Variants in TBPL1 observed in about 807,000 individuals in gnomAD.
TBPL1 encodes TATA box-binding protein-like 1.
In TBPL1, 4 loss-of-function variants were observed where a neutral mutation model predicts 22.1. The observed-to-expected ratio is 0.18, with a 90% CI of 0.09 to 0.41. TBPL1 has a LOEUF of 0.41. TBPL1 is among the 10% of genes least tolerant of loss of function. The pLI, the probability that TBPL1 is intolerant of heterozygous loss-of-function variation, is 1.00. For missense variants in TBPL1, 115 were observed against 222.3 expected (o/e 0.52, Z 3.07); for synonymous variants, 64 against 71.0 (o/e 0.90, Z 0.50).
At chr6:133,973,156 A>G (rs1162588073) in intron 1 of TBPL1, among the ~76,000 whole-genome samples, 1 of 152,156 alleles carries the variant, frequency 6.6e-6, no homozygotes, top group African/African-American at 2.4e-5. Context: ...CTAATCTACT[A>G]TTTGGGGAGC....
chr6:133,984,621 C>G lies in TBPL1; in HGVS notation c.431C>G (p.Ser144Cys), dbSNP rs750219557. The change falls in exon 6 of 7, where the codon TCT (serine) becomes TGT (cysteine). Residue 144 changes from serine (S) to cysteine (C), a missense_variant. Coordinates refer to ENST00000237264, the MANE Select transcript of TBPL1 (RefSeq NM_004865.4). Reference protein sequence around the residue: ...LHPAVCYRIKSLRATLQIFST... With the variant: ...LHPAVCYRIKCLRATLQIFST... The stretch of plus-strand genomic sequence containing the variant: ...CCTGCTGTGTGCTATCGGATAAAAT[C>G]TCTAAGAGCTACATTACAGATTTTT... 48 of 1,613,082 alleles carry G rather than the reference C, an allele frequency of 3.0e-5. No individual in the cohort carries two copies. The highest frequency in any genetic ancestry group is 3.9e-5 in the Non-Finnish European group (46 of 1,179,844).
rs190832991 is a variant in TBPL1, at chr6:133,979,611, T to G, written c.-44-471T>G. 4.6e-5 allele frequency among the ~76,000 whole-genome samples: 7 copies of G among 152,330 alleles called. No homozygotes were observed. In the East Asian group the frequency reaches 1.3e-3, roughly 29 times the overall value. ...ATATTAGATGTCATGTTAGCTTTTT[T>G]AAAAATGACATTTTTAGTGGGGAAA... On this transcript the variant is annotated intron_variant, in intron 1 of 6. Coordinates refer to ENST00000237264, the MANE Select transcript of TBPL1 (RefSeq NM_004865.4).
At chr6:133,959,705 A>G (rs1407750961) in intron 1 of TBPL1, among the ~76,000 whole-genome samples, 1 of 151,912 alleles carries the variant, frequency 6.6e-6, no homozygotes, top group Non-Finnish European at 1.5e-5. Flanking sequence ...CTGGTCTTGA[A>G]CTTCTGACCT....
intron 4 of TBPL1, among the ~76,000 whole-genome samples, chr6:133,983,827 A>G (rs1418962146): frequency 6.6e-6 from 1 of 152,228 alleles, no homozygotes; most frequent in Admixed American, 6.5e-5. Context: ...TTAGTGTAAC[A>G]TTAGAAGTGT....
At chr6:133,974,001 T>C (rs1176956906) in intron 1 of TBPL1, among the ~76,000 whole-genome samples, 1 of 108,836 alleles carries the variant, frequency 9.2e-6, no homozygotes, top group African/African-American at 3.3e-5. Context: ...ATCCAGACTT[T>C]ACCAAAAAAA....
intron 1 of TBPL1, among the ~76,000 whole-genome samples, chr6:133,957,749 CCA>C (rs1054769268): frequency 6.6e-6 from 1 of 152,164 alleles, no homozygotes; most frequent in Non-Finnish European, 1.5e-5. Context: ...GCCCTGAGCC[CCA>C]GTTTCCTCAT....
At chr6:133,982,516 C>T in intron 2 of TBPL1, 52 bp from the exon 3 acceptor site, 1 of 1,525,868 alleles carries the variant, frequency 6.6e-7, no homozygotes, top group Non-Finnish European at 9.0e-7. Flanking sequence ...TAGAACAGAA[C>T]CTTATGTGAA....
rs551543421 is a variant in TBPL1, at chr6:133,972,087, C to T, written c.-44-7995C>T. On this transcript the variant is annotated intron_variant, in intron 1 of 6. Transcript: ENST00000237264. ...ATTTGTTTGGTGGCAAGATTCCAGA[C>T]ATCAAGAGTCATCTGAAATTGTATC... 2.6e-5 allele frequency among the ~76,000 whole-genome samples: 4 copies of T among 152,282 alleles called. No homozygotes were observed. In the South Asian group the frequency reaches 8.3e-4, roughly 32 times the overall value.
chr6:133,973,956 CAT>C (rs60330418), intron 1 of TBPL1, among the ~76,000 whole-genome samples: 5 of 142,410 alleles, frequency 3.5e-5, no homozygotes, highest in Non-Finnish European at 6.1e-5. Flanking sequence ...TTAAACCTAA[CAT>C]ATATATATAT....
intron 1 of TBPL1, among the ~76,000 whole-genome samples, chr6:133,974,960 A>G (rs975152845): frequency 2.6e-5 from 4 of 152,230 alleles, no homozygotes; most frequent in Admixed American, 6.5e-5. Context: ...CACCTAAGAC[A>G]CTGGGTTATA....
intron 1 of TBPL1, among the ~76,000 whole-genome samples, chr6:133,971,246 C>T (rs1287478519): frequency 2.6e-5 from 4 of 152,006 alleles, no homozygotes; most frequent in Non-Finnish European, 4.4e-5. Context: ...TCCAGGTTCA[C>T]TAACGTCACA....
At position 133,982,447 on chromosome 6, in the gene TBPL1, C is replaced by T. The variant is rs1776433092; in HGVS notation, c.136-121C>T. On this transcript the variant is annotated intron_variant, in intron 2 of 6. Coordinates refer to ENST00000237264, the MANE Select transcript of TBPL1 (RefSeq NM_004865.4). The stretch of plus-strand genomic sequence containing the variant: ...ATTTCAGAATGGTAGATTTGGAGAG[C>T]AGTTATTGCAGTCTTGGATAAGCTT... 4.4e-6 allele frequency: 3 copies of T among 686,818 alleles called. No homozygotes were observed. The South Asian group carries it at 8.2e-5, about 19-fold the overall frequency. 42.5% of individuals were successfully genotyped at this position (686,818 alleles called of 1,614,324 possible).
intron 1 of TBPL1, among the ~76,000 whole-genome samples, chr6:133,972,678 GTGTT>G (rs66508723): frequency 0.61 from 91,919 of 150,872 alleles, 29,011 homozygotes; most frequent in Non-Finnish European, 0.71. Flanking sequence ...TATGATCTTG[GTGTT>G]TGTTTGTTTG....
rs147153143 is a variant in TBPL1 at position 133,984,835 on chromosome 6, T to C, written c.481+164T>C. The stretch of plus-strand genomic sequence containing the variant: ...ACACTAGATGCATTTTGCCTACTTT[T>C]GTACTATTTATAAATGTTACACTTA... On this transcript the variant is annotated intron_variant, in intron 6 of 6. Coordinates refer to ENST00000237264, the MANE Select transcript of TBPL1 (RefSeq NM_004865.4). The C allele has an allele frequency of 6.8e-3, 4,070 of 596,450 alleles. 130 individuals are homozygous for C. In the Admixed American group the frequency reaches 0.072, roughly 10 times the overall value. 36.9% of individuals were successfully genotyped at this position (596,450 alleles called of 1,614,324 possible). A position where few individuals can be genotyped will look rare whatever the true frequency, so the allele number is the denominator to read the frequency against.
At chr6:133,967,709 G>A (rs1408026055) in intron 1 of TBPL1, among the ~76,000 whole-genome samples, 9 of 152,074 alleles carry the variant, frequency 5.9e-5, no homozygotes, top group South Asian at 2.1e-4. Context: ...GTAGAACTAC[G>A]GTATTATAAT....
chr6:133,965,665 C>T (rs1168230517), intron 1 of TBPL1, among the ~76,000 whole-genome samples: 1 of 151,688 alleles, frequency 6.6e-6, no homozygotes, highest in Non-Finnish European at 1.5e-5. Flanking sequence ...ACTCATTTCA[C>T]TTAACAGATA....
At position 133,989,424 on chromosome 6, in the gene TBPL1, A is replaced by G. The variant is rs1472390529; in HGVS notation, c.*2384A>G. ...AATAAACTGGCTAGGTTGATAAACA[A>G]TTTCCTGCCCATTTATAATGAAGGG... On this transcript the variant is annotated 3_prime_UTR_variant, in exon 7 of 7. Coordinates refer to ENST00000237264, the MANE Select transcript of TBPL1 (RefSeq NM_004865.4). 6.6e-6 allele frequency: 1 copy of G among 152,174 alleles called. No homozygotes were observed. Among genetic ancestry groups the G allele is most frequent in the African/African-American group, 2.4e-5 (1 of 41,438 alleles). The allele number at this position is 152,174 out of a possible 1,614,324, so 9.4% of individuals were successfully genotyped here.
chr6:133,975,486 C>T (rs749055192), intron 1 of TBPL1, among the ~76,000 whole-genome samples: 1 of 152,138 alleles, frequency 6.6e-6, no homozygotes, highest in Non-Finnish European at 1.5e-5. Flanking sequence ...CTTCAGGTAA[C>T]GTCTTCTAAC....
At position 133,988,487 on chromosome 6, in the gene TBPL1, C is replaced by T. The variant is rs1035997943; in HGVS notation, c.*1447C>T. 2.6e-5 allele frequency: 4 copies of T among 152,116 alleles called. No individual in the cohort carries two copies. The highest frequency in any genetic ancestry group is 9.7e-5 in the African/African-American group (4 of 41,436). The allele number at this position is 152,116 out of a possible 1,614,324, so 9.4% of individuals were successfully genotyped here. On this transcript the variant is annotated 3_prime_UTR_variant, in exon 7 of 7. Transcript: ENST00000237264. The stretch of plus-strand genomic sequence containing the variant: ...CTTGTATTTCCAAAATGTTTTTAAA[C>T]CTTTGTGGAAAAATTGCAACATCCT...
Sources: gnomAD v4.1 joint callset for allele counts (sites outside exome capture counted in the v4.1 genomes callset) on GRCh38, gnomAD v4.1.1 for gene constraint, MANE v1.5 for transcripts, NCBI Gene and HGNC (gene_info 2026-07-23, HGNC 2026-07-21) for gene names.